The following BRINP3 variants were observed in gnomAD, a reference collection of about 807,000 sequenced individuals.
BRINP3 encodes the protein BMP/retinoic acid inducible neural specific 3.
A neutral mutation model predicts 71.0 loss-of-function variants in BRINP3; 19 were observed. The observed-to-expected ratio is 0.27, with a 90% CI of 0.19 to 0.39. The LOEUF (loss-of-function observed/expected upper bound fraction) is 0.39, where lower values mean the gene tolerates loss of function less well. Ranked by LOEUF, BRINP3 falls within the 10% of genes least tolerant of loss-of-function variation. BRINP3 has a pLI of 1.00. For missense variants in BRINP3, 959 were observed against 940.8 expected (o/e 1.02, Z -0.25); for synonymous variants, 380 against 337.7 (o/e 1.13, Z -1.37).
chr1:190,327,323 G>GA (rs1666650642), intron 2 of BRINP3, among the ~76,000 whole-genome samples: 4 of 8,108 alleles, frequency 4.9e-4, no homozygotes, highest in Non-Finnish European at 1.1e-3. Flanking sequence ...TCAAAAAAAA[G>GA]AACAAAAAAA....
intron 2 of BRINP3, among the ~76,000 whole-genome samples, chr1:190,405,755 G>C (rs1194102221): frequency 6.6e-6 from 1 of 152,122 alleles, no homozygotes; most frequent in Admixed American, 6.5e-5. Flanking sequence ...TCGGGATTCT[G>C]GATGTGGATT....
intron 2 of BRINP3, among the ~76,000 whole-genome samples, chr1:190,426,834 C>A (rs1369974993): frequency 1.3e-5 from 2 of 151,746 alleles, no homozygotes; most frequent in African/African-American, 4.8e-5. Flanking sequence ...ATTAACGGAA[C>A]ATTATTTTGT....
Position 190,396,945 on chromosome 1 carries a change from A to C in BRINP3, c.236+57710T>G, listed in dbSNP as rs1671618003. 2.0e-5 allele frequency among the ~76,000 whole-genome samples: 3 copies of C among 151,448 alleles called. No individual in the cohort carries two copies. In the South Asian group the frequency reaches 6.3e-4, roughly 32 times the overall value. Reference sequence around the variant, plus strand: ...CAACTCAGTATGCATAAAGCTTCACATTTCTCCATTTTTAAAATGTCTCTT... The same window carrying C: ...CAACTCAGTATGCATAAAGCTTCACCTTTCTCCATTTTTAAAATGTCTCTT... On this transcript the variant is annotated intron_variant, in intron 2 of 7. Transcript: ENST00000367462.
intron 2 of BRINP3, among the ~76,000 whole-genome samples, chr1:190,404,476 T>C (rs1484193722): frequency 6.6e-6 from 1 of 152,204 alleles, no homozygotes; most frequent in East Asian, 1.9e-4. Context: ...TTATTTATTG[T>C]TTACTTTGCT....
intron 2 of BRINP3, among the ~76,000 whole-genome samples, chr1:190,301,388 G>T (rs1664729454): frequency 6.7e-6 from 1 of 150,046 alleles, no homozygotes; most frequent in Non-Finnish European, 1.5e-5. Flanking sequence ...CTTTTGAACA[G>T]TGAAAATAGT....
intron 2 of BRINP3, among the ~76,000 whole-genome samples, chr1:190,344,227 C>T (rs1320738400): frequency 6.6e-6 from 1 of 151,750 alleles, no homozygotes; most frequent in African/African-American, 2.4e-5. Context: ...ATGCTAGGAA[C>T]TGTGCCAATT....
In BRINP3 at chr1:190,286,864, T is replaced by C. The variant is rs371131613; in HGVS notation, c.237-5114A>G. Among the ~76,000 whole-genome samples the C allele has an allele frequency of 1.4e-4, 21 of 152,232 alleles. No individual in the cohort carries two copies. In the East Asian group the frequency reaches 1.5e-3, roughly 11 times the overall value. Reference sequence around the variant, plus strand: ...TATGGATCTTAAGAAATGGCACTAATGTCAATATTGGCTCCCCATAATTTT... The same window carrying C: ...TATGGATCTTAAGAAATGGCACTAACGTCAATATTGGCTCCCCATAATTTT... On this transcript the variant is annotated intron_variant, in intron 2 of 7. Coordinates refer to ENST00000367462, the MANE Select transcript of BRINP3 (RefSeq NM_199051.3).
intron 7 of BRINP3, among the ~76,000 whole-genome samples, chr1:190,152,463 T>A (rs1656479316): frequency 6.6e-6 from 1 of 151,392 alleles, no homozygotes; most frequent in African/African-American, 2.4e-5. Flanking sequence ...AATGAGATGA[T>A]CATTTTGAAC....
At chr1:190,477,115 T>A (rs1219138848) in intron 1 of BRINP3, among the ~76,000 whole-genome samples, 2 of 152,120 alleles carry the variant, frequency 1.3e-5, no homozygotes, top group Non-Finnish European at 2.9e-5. Flanking sequence ...ATGTGACATT[T>A]CAAATGGCAC....
At chr1:190,117,185 G>A (rs1653213801) in intron 7 of BRINP3, among the ~76,000 whole-genome samples, 1 of 151,926 alleles carries the variant, frequency 6.6e-6, no homozygotes, top group Admixed American at 6.6e-5. Flanking sequence ...CTTGTTAAAG[G>A]CTTTATGGTT....
At chr1:190,205,152 T>C (rs183202651) in intron 6 of BRINP3, among the ~76,000 whole-genome samples, 1 of 152,090 alleles carries the variant, frequency 6.6e-6, no homozygotes. Flanking sequence ...CTCAGATGGG[T>C]AGGAGGCAGA....
In BRINP3 at chr1:190,226,150, G is replaced by A. The variant is rs767792284; in HGVS notation, c.893C>T (p.Ala298Val). 6.2e-6 allele frequency: 10 copies of A among 1,611,832 alleles called. No individual in the cohort carries two copies. The Admixed American group carries it at 1.7e-4, about 27-fold the overall frequency. Reference sequence around the variant, plus strand: ...TATTCGAAGAAGATTCTCTTCCATGGCTTGAATGTCCATGGAGGGGCAGTT... The same window carrying A: ...TATTCGAAGAAGATTCTCTTCCATGACTTGAATGTCCATGGAGGGGCAGTT... ...ECNCPSMDIQ[A>V]MEENLLRITE... The change falls in exon 6 of 8, where the codon GCC becomes GTC. Residue 298 changes from alanine to valine, a missense_variant. Transcript: ENST00000367462.
At chr1:190,456,528 A>C (rs1192753631) in intron 1 of BRINP3, among the ~76,000 whole-genome samples, 1 of 152,066 alleles carries the variant, frequency 6.6e-6, no homozygotes, top group Non-Finnish European at 1.5e-5. Flanking sequence ...CCATTGTCAA[A>C]TGATTCAACT....
At chr1:190,404,065 G>T (rs1269503976) in intron 2 of BRINP3, among the ~76,000 whole-genome samples, 1 of 152,142 alleles carries the variant, frequency 6.6e-6, no homozygotes, top group African/African-American at 2.4e-5. Context: ...TGTTACAGAT[G>T]ACCAAACCTG....
intron 2 of BRINP3, 36 bp downstream of exon 2, chr1:190,454,619 T>G: frequency 9.7e-5 from 150 of 1,554,256 alleles, no homozygotes; most frequent in Non-Finnish European, 1.2e-4. Flanking sequence ...CCTTCAAGGA[T>G]GATATTTCTG....
intron 2 of BRINP3, among the ~76,000 whole-genome samples, chr1:190,438,905 A>G (rs537404487): frequency 1.8e-4 from 28 of 152,052 alleles, no homozygotes; most frequent in Admixed American, 1.7e-3. Flanking sequence ...GTTCTCTTTC[A>G]CAGGATTCAA....
chr1:190,130,386 G>T (rs1654440759), intron 7 of BRINP3, among the ~76,000 whole-genome samples: 1 of 151,910 alleles, frequency 6.6e-6, no homozygotes, highest in African/African-American at 2.4e-5. Context: ...TATAATTAGT[G>T]AATAAACTAG....
intron 2 of BRINP3, chr1:190,302,939 G>C (rs1463279120): frequency 6.6e-6 from 1 of 151,586 alleles, no homozygotes; most frequent in Non-Finnish European, 1.5e-5. Context: ...TTAAAGTATA[G>C]ACATTTATAG....
chr1:190,336,840 TTCCTTCCTTCCTTCCC>T (rs1277371016), intron 2 of BRINP3, among the ~76,000 whole-genome samples: 5 of 112,562 alleles, frequency 4.4e-5, no homozygotes, highest in Non-Finnish European at 8.7e-5. Context: ...CCCTCCCTCC[TTCCTTCCTTCCTTCCC>T]TCCTTCCTTC....
Sources: allele counts gnomAD v4.1 joint callset (sites outside exome capture counted in the v4.1 genomes callset), GRCh38; gene constraint gnomAD v4.1.1; transcripts MANE v1.5; gene names NCBI Gene and HGNC (gene_info 2026-07-23, HGNC 2026-07-21).